Variants in TMPRSS12 observed in about 807,000 individuals in gnomAD.
The protein encoded by TMPRSS12 is transmembrane protease serine 12.
TMPRSS12 carries 25 observed loss-of-function variants against 26.0 expected under a neutral mutation model. The ratio of observed to expected loss-of-function variants is 0.96; its 90% CI spans 0.70 to 1.34. The LOEUF is 1.34. Ranked by LOEUF, TMPRSS12 falls within the 40% of genes most tolerant of loss-of-function variation. The pLI is 0.00. For missense variants in TMPRSS12, 441 were observed against 440.1 expected, an observed-to-expected ratio of 1.00 and a Z score of -0.02; for synonymous variants, 150 against 161.7, an observed-to-expected ratio of 0.93 and a Z score of 0.55.
intron 3 of TMPRSS12, among the ~76,000 whole-genome samples, chr12:50,862,823 G>C (rs564359828): frequency 6.6e-6 from 1 of 151,748 alleles, no homozygotes; most frequent in South Asian, 2.1e-4. Flanking sequence ...CCCTGCACCC[G>C]CCTTGTTCTT....
chr12:50,854,650 G>T (rs994423910), intron 2 of TMPRSS12, among the ~76,000 whole-genome samples: 2 of 152,094 alleles, frequency 1.3e-5, no homozygotes, highest in African/African-American at 4.8e-5. Context: ...AAAATCAGCA[G>T]CATTTCTATA....
At chr12:50,867,883 G>A (rs993662664) in intron 3 of TMPRSS12, among the ~76,000 whole-genome samples, 3 of 152,086 alleles carry the variant, frequency 2.0e-5, no homozygotes, top group Admixed American at 6.6e-5. Context: ...TAACCATCAC[G>A]TGTAAAGGAG....
intron 3 of TMPRSS12, among the ~76,000 whole-genome samples, chr12:50,877,999 T>C (rs1056707188): frequency 6.6e-6 from 1 of 152,078 alleles, no homozygotes. Context: ...AAAACATCAC[T>C]TAGAGAAATT....
chr12:50,879,190 A>G (rs1282607607), intron 3 of TMPRSS12, among the ~76,000 whole-genome samples: 3 of 152,234 alleles, frequency 2.0e-5, no homozygotes, highest in African/African-American at 7.2e-5. Context: ...TAAGTATAAG[A>G]GCTACAGTTG....
In TMPRSS12 at chr12:50,887,374, A is replaced by G. The variant is rs1292546317; in HGVS notation, c.908A>G (p.Tyr303Cys). Reference protein sequence around the residue: ...GCGRRGFPGVYIGPSFYQKWL... With the variant: ...GCGRRGFPGVCIGPSFYQKWL... ...GGTCGAAGAGGTTTTCCTGGTGTCT[A>G]TATTGGGCCATCCTTCTACCAAAAG... Residue 303 changes from tyrosine (Y) to cysteine (C), a missense_variant, in exon 5 of 5, where the codon TAT becomes TGT. Tyr to Cys is a radical substitution (Grantham distance 194). Coordinates refer to ENST00000398458, the MANE Select transcript of TMPRSS12 (RefSeq NM_182559.3). 3 of 1,613,926 alleles carry G rather than the reference A, an allele frequency of 1.9e-6. No individual in the cohort carries two copies. Among genetic ancestry groups the G allele is most frequent in the Non-Finnish European group, 2.5e-6 (3 of 1,179,864 alleles).
chr12:50,872,557 A>AAT (rs1555206398), intron 3 of TMPRSS12, among the ~76,000 whole-genome samples: 3 of 101,416 alleles, frequency 3.0e-5, no homozygotes, highest in East Asian at 3.4e-4. Flanking sequence ...CTGTGAAAAA[A>AAT]ATATATATAT....
chr12:50,853,842 T>TACTA (rs1470984322), intron 2 of TMPRSS12, among the ~76,000 whole-genome samples: 2 of 151,742 alleles, frequency 1.3e-5, no homozygotes, highest in African/African-American at 4.8e-5. Context: ...ATAAAAAAAG[T>TACTA]ACTAACTGGA....
At chr12:50,884,488 G>A (rs191931895) in intron 3 of TMPRSS12, among the ~76,000 whole-genome samples, 8 of 152,204 alleles carry the variant, frequency 5.3e-5, no homozygotes, top group Admixed American at 5.2e-4. Context: ...GACACACAAG[G>A]ATGACTATAA....
intron 3 of TMPRSS12, among the ~76,000 whole-genome samples, chr12:50,869,854 G>A (rs2139730467): frequency 6.6e-6 from 1 of 152,302 alleles, no homozygotes; most frequent in South Asian, 2.1e-4. Context: ...AGGCCAAGGT[G>A]GGCAGATCAC....
At chr12:50,884,057 G>T (rs577226239) in intron 3 of TMPRSS12, among the ~76,000 whole-genome samples, 38 of 152,278 alleles carry the variant, frequency 2.5e-4, no homozygotes, top group African/African-American at 8.7e-4. Context: ...ATTCATCACA[G>T]ATTGGTTAAA....
intron 2 of TMPRSS12, among the ~76,000 whole-genome samples, chr12:50,858,238 C>T (rs978787355): frequency 3.9e-5 from 6 of 152,156 alleles, no homozygotes; most frequent in African/African-American, 1.2e-4. Context: ...AATATTTTAT[C>T]GATCTCCCAT....
intron 3 of TMPRSS12, among the ~76,000 whole-genome samples, chr12:50,872,246 GC>G (rs1444048773): frequency 1.3e-5 from 2 of 152,102 alleles, no homozygotes; most frequent in Non-Finnish European, 2.9e-5. Flanking sequence ...GGGCGCGGTG[GC>G]TCACGCCTGT....
chr12:50,868,237 C>T lies in TMPRSS12; in HGVS notation c.652+9184C>T, dbSNP rs1938009951. Among the ~76,000 whole-genome samples the T allele has an allele frequency of 2.6e-5, 4 of 152,182 alleles. No individual in the cohort carries two copies. In the South Asian group the frequency reaches 8.3e-4, roughly 32 times the overall value. On this transcript the variant is annotated intron_variant, in intron 3 of 4. Coordinates refer to ENST00000398458, the MANE Select transcript of TMPRSS12 (RefSeq NM_182559.3). ...TGAGAACTCACCAACCAACTATCTG[C>T]TGCCTTCAAGAGACTCACCTAACAC...
intron 3 of TMPRSS12, among the ~76,000 whole-genome samples, chr12:50,880,016 A>T (rs1404637795): frequency 1.3e-5 from 2 of 152,142 alleles, no homozygotes; most frequent in Non-Finnish European, 2.9e-5. Flanking sequence ...TGAAAAGATA[A>T]GTCACCATAG....
chr12:50,872,994 A>C (rs942316284), intron 3 of TMPRSS12, among the ~76,000 whole-genome samples: 2 of 151,532 alleles, frequency 1.3e-5, no homozygotes, highest in Admixed American at 1.3e-4. Context: ...ATATGATGGA[A>C]TACTACTCAG....
chr12:50,863,240 T>C (rs1189770182), intron 3 of TMPRSS12, among the ~76,000 whole-genome samples: 1 of 151,632 alleles, frequency 6.6e-6, no homozygotes, highest in Non-Finnish European at 1.5e-5. Flanking sequence ...TCAGATAAAG[T>C]AGACTTACAG....
At chr12:50,882,304 AAAAAAAAAAG>A (rs1235683042) in intron 3 of TMPRSS12, among the ~76,000 whole-genome samples, 4 of 147,448 alleles carry the variant, frequency 2.7e-5, no homozygotes, top group African/African-American at 9.8e-5. Context: ...AAAAAAAAAA[AAAAAAAAAAG>A]AATATTACAG....
At chr12:50,875,651 A>C (rs78201554) in intron 3 of TMPRSS12, among the ~76,000 whole-genome samples, 10,581 of 152,242 alleles carry the variant, frequency 0.07, 400 homozygotes, top group Middle Eastern at 0.12. Flanking sequence ...GACAATGGGC[A>C]AAGAACTCCC....
intron 2 of TMPRSS12, among the ~76,000 whole-genome samples, chr12:50,848,734 AC>A (rs1405098144): frequency 6.6e-6 from 1 of 152,162 alleles, no homozygotes; most frequent in Non-Finnish European, 1.5e-5. Context: ...TTAGAGGCCC[AC>A]CCCTTTCCCA....
Sources: gnomAD v4.1 joint callset for allele counts (sites outside exome capture counted in the v4.1 genomes callset) on GRCh38, gnomAD v4.1.1 for gene constraint, MANE v1.5 for transcripts, NCBI Gene and HGNC (gene_info 2026-07-23, HGNC 2026-07-21) for gene names.